Variants in PLCL1 observed in about 807,000 individuals in gnomAD.
PLCL1 encodes phospholipase C like 1 (inactive).
PLCL1 carries 41 observed loss-of-function variants against 84.4 expected under a neutral mutation model. The observed-to-expected ratio is 0.49, with a 90% CI of 0.38 to 0.63. The LOEUF is 0.63. Among genes scored for constraint, PLCL1 ranks in the 30% least tolerant of loss-of-function variants. The probability of loss-of-function intolerance (pLI) is 0.00; values close to 1 mark genes in which losing one functional copy is unlikely to be tolerated. For synonymous variants in PLCL1, 490 were observed against 488.3 expected (o/e 1.00, Z -0.05); for missense variants, 1,206 against 1,367.8 (o/e 0.88, Z 1.87).
At chr2:197,973,898 G>A (rs1187652856) in intron 1 of PLCL1, among the ~76,000 whole-genome samples, 1 of 152,218 alleles carries the variant, frequency 6.6e-6, no homozygotes, top group Admixed American at 6.5e-5. Flanking sequence ...GCTGCTAGGT[G>A]AAGAATGGAT....
chr2:198,136,951 T>A (rs2105941764), intron 5 of PLCL1, among the ~76,000 whole-genome samples: 1 of 152,252 alleles, frequency 6.6e-6, no homozygotes, highest in South Asian at 2.1e-4. Flanking sequence ...GTACCCACAC[T>A]GAAGACAAAA....
rs143951919 is a variant in PLCL1 at position 198,080,999 on chromosome 2, G to A, written c.241-2759G>A. Among the ~76,000 whole-genome samples the A allele has an allele frequency of 6.8e-4, 104 of 152,328 alleles. 3 individuals carry two copies. In the South Asian group the frequency reaches 0.013, roughly 20 times the overall value. ...TCTTGATTTAAGGAGATATGGCAGA[G>A]AAGAGCCTTGTAAGAGAAAGCTATT... is the stretch of plus-strand genomic sequence containing the variant. On this transcript the variant is annotated intron_variant, in intron 1 of 5. Transcript: ENST00000428675.
chr2:198,094,878 A>G (rs1693154623), intron 3 of PLCL1, among the ~76,000 whole-genome samples: 1 of 152,110 alleles, frequency 6.6e-6, no homozygotes, highest in South Asian at 2.1e-4. Context: ...ATGCCTATCT[A>G]GTATTTTGTG....
chr2:197,866,122 A>ATAGTTAGTTT (rs1559029493), intron 1 of PLCL1, among the ~76,000 whole-genome samples: 12 of 41,562 alleles, frequency 2.9e-4, no homozygotes, highest in South Asian at 5.7e-4. Context: ...ATATATATAT[A>ATAGTTAGTTT]AACTATATAT....
chr2:197,942,217 A>G (rs1689172217), intron 1 of PLCL1, among the ~76,000 whole-genome samples: 2 of 152,164 alleles, frequency 1.3e-5, no homozygotes, highest in Admixed American at 1.3e-4. Flanking sequence ...TCACAAAGCA[A>G]ACCCCTCCAC....
At position 198,111,694 on chromosome 2, in the gene PLCL1, C is replaced by T. The variant is rs372811708; in HGVS notation, c.3105+7758C>T. Reference sequence around the variant, plus strand: ...TTTTACAGATAGGGGAAATGAGGCTCAGGAGGTTAAGAACCTTCCCATTGG... The same window carrying T: ...TTTTACAGATAGGGGAAATGAGGCTTAGGAGGTTAAGAACCTTCCCATTGG... On this transcript the variant is annotated intron_variant, in intron 5 of 5. Coordinates refer to ENST00000428675, the MANE Select transcript of PLCL1 (RefSeq NM_006226.4). Among the ~76,000 whole-genome samples, 57 of 151,936 alleles carry T rather than the reference C, an allele frequency of 3.8e-4. 2 individuals carry two copies. In the South Asian group the frequency reaches 0.011, roughly 30 times the overall value.
chr2:197,826,282 C>G (rs771010), intron 1 of PLCL1, among the ~76,000 whole-genome samples: 78,408 of 152,018 alleles, frequency 0.52, 21,141 homozygotes, highest in African/African-American at 0.66. Context: ...TATCATCTAC[C>G]TACGCTTCAT....
intron 5 of PLCL1, among the ~76,000 whole-genome samples, chr2:198,110,980 C>T (rs1693606306): frequency 1.3e-5 from 2 of 151,798 alleles, no homozygotes; most frequent in African/African-American, 4.8e-5. Context: ...AATAATAAAC[C>T]ATCCTTAATA....
intron 1 of PLCL1, among the ~76,000 whole-genome samples, chr2:197,919,190 A>G (rs1688659419): frequency 6.6e-6 from 1 of 152,292 alleles, no homozygotes; most frequent in Non-Finnish European, 1.5e-5. Context: ...GCTGGGAGGA[A>G]AGCAAGTCAG....
At chr2:197,941,932 C>T (rs202228283) in intron 1 of PLCL1, among the ~76,000 whole-genome samples, 3 of 152,084 alleles carry the variant, frequency 2.0e-5, no homozygotes, top group East Asian at 1.9e-4. Flanking sequence ...GGTTCATCCT[C>T]GACCTACTGA....
chr2:197,832,025 T>C (rs1294851782), intron 1 of PLCL1, among the ~76,000 whole-genome samples: 1 of 152,172 alleles, frequency 6.6e-6, no homozygotes, highest in Non-Finnish European at 1.5e-5. Flanking sequence ...GGGAAACTTA[T>C]AGCACTAAAT....
intron 1 of PLCL1, among the ~76,000 whole-genome samples, chr2:198,040,243 C>G (rs1691627252): frequency 6.6e-6 from 1 of 151,992 alleles, no homozygotes; most frequent in Non-Finnish European, 1.5e-5. Context: ...GATTTTCATC[C>G]CGTGGACATT....
At chr2:198,006,910 G>A (rs1440690024) in intron 1 of PLCL1, among the ~76,000 whole-genome samples, 1 of 152,132 alleles carries the variant, frequency 6.6e-6, no homozygotes, top group Non-Finnish European at 1.5e-5. Flanking sequence ...TTCCTAGGAA[G>A]GTTCTTTAGG....
intron 5 of PLCL1, among the ~76,000 whole-genome samples, chr2:198,124,946 T>C (rs535010200): frequency 6.6e-6 from 1 of 152,262 alleles, no homozygotes; most frequent in African/African-American, 2.4e-5. Flanking sequence ...TTGAATAAAA[T>C]TAGATATTCC....
chr2:197,987,243 C>T (rs966014861), intron 1 of PLCL1, among the ~76,000 whole-genome samples: 1 of 152,118 alleles, frequency 6.6e-6, no homozygotes, highest in Non-Finnish European at 1.5e-5. Flanking sequence ...TTGACTTAGC[C>T]TCTATAATAT....
intron 1 of PLCL1, among the ~76,000 whole-genome samples, chr2:197,890,297 A>G (rs6742782): frequency 1.3e-5 from 2 of 151,932 alleles, no homozygotes; most frequent in African/African-American, 4.8e-5. Flanking sequence ...AAATATTCGT[A>G]TGAATCCCAG....
intron 5 of PLCL1, among the ~76,000 whole-genome samples, chr2:198,119,110 G>T (rs1205099591): frequency 6.6e-6 from 1 of 151,906 alleles, no homozygotes; most frequent in Non-Finnish European, 1.5e-5. Context: ...ACTTTGATTG[G>T]TTTTGACAAC....
chr2:197,875,202 C>G (rs140543353), intron 1 of PLCL1, among the ~76,000 whole-genome samples: 2,110 of 152,190 alleles, frequency 0.014, 21 homozygotes, highest in Non-Finnish European at 0.024. Flanking sequence ...AGGAGGATCA[C>G]TTGAACCCAG....
At chr2:198,009,870 A>T (rs900349770) in intron 1 of PLCL1, among the ~76,000 whole-genome samples, 20 of 151,906 alleles carry the variant, frequency 1.3e-4, no homozygotes, top group African/African-American at 4.8e-4. Flanking sequence ...AATGTTTTGT[A>T]GTTCTCAGTG....
Sources: gnomAD v4.1 joint callset for allele counts (sites outside exome capture counted in the v4.1 genomes callset) on GRCh38, gnomAD v4.1.1 for gene constraint, MANE v1.5 for transcripts, NCBI Gene and HGNC (gene_info 2026-07-23, HGNC 2026-07-21) for gene names.